GLDC: variants seen among roughly 807,000 people sequenced by gnomAD.
GLDC encodes the protein glycine dehydrogenase (decarboxylating), mitochondrial.
GLDC carries 104 observed loss-of-function variants against 121.3 expected under a neutral mutation model. The observed-to-expected ratio is 0.86, with a 90% CI of 0.73 to 1.01. The LOEUF (loss-of-function observed/expected upper bound fraction) is 1.01, where lower values mean the gene tolerates loss of function less well. GLDC is among the 50% of genes least tolerant of loss of function. The pLI is 0.00. For missense variants in GLDC, 1,429 were observed against 1,306.6 expected, an observed-to-expected ratio of 1.09 and a Z score of -1.44; for synonymous variants, 546 against 480.6, an observed-to-expected ratio of 1.14 and a Z score of -1.78.
At chr9:6,565,332 C>CGTGG (rs1817834072) in intron 16 of GLDC, 22 bp downstream of exon 16, 2 of 1,575,498 alleles carry the variant, frequency 1.3e-6, no homozygotes, top group Non-Finnish European at 8.7e-7. Flanking sequence ...GGTGAGCAAG[C>CGTGG]GCCACCTCCT....
In GLDC at chr9:6,592,879, A is replaced by C; in HGVS notation, c.1373T>G (p.Ile458Ser). ...GCCATCCTCAAAAAGCCGAAAATTG[A>C]TCTGCCGCTGAGCGGCCCTGCCCAA... is the stretch of plus-strand genomic sequence containing the variant. ...EVLGRAAQRQINFRLFEDGTL... is the reference protein window; with the variant it reads ...EVLGRAAQRQSNFRLFEDGTL... The change falls in exon 10 of 25, where the codon ATC becomes AGC. Residue 458 changes from isoleucine (I) to serine (S), a missense_variant. Ile to Ser is a moderately radical substitution (Grantham distance 142). Coordinates refer to ENST00000321612, the MANE Select transcript of GLDC (RefSeq NM_000170.3). The C allele has an allele frequency of 6.2e-7, 1 of 1,613,880 alleles. No individual in the cohort carries two copies.
Position 6,532,742 on chromosome 9 carries a change from A to G in GLDC, c.*275T>C, listed in dbSNP as rs1291153911. The G allele has an allele frequency of 6.9e-6, 3 of 435,490 alleles. No individual in the cohort carries two copies. Among genetic ancestry groups the G allele is most frequent in the Non-Finnish European group, 1.3e-5 (3 of 234,996 alleles). The allele number at this position is 435,490 out of a possible 1,614,324, so 27.0% of individuals were successfully genotyped here. Reference sequence around the variant, plus strand: ...GCAAACTTGCCACATTAAAAGTTAAAGTTCCTAAAACTTTCTACGCAAAAC... The same window carrying G: ...GCAAACTTGCCACATTAAAAGTTAAGGTTCCTAAAACTTTCTACGCAAAAC... On this transcript the variant is annotated 3_prime_UTR_variant, in exon 25 of 25. Transcript: ENST00000321612.
intron 3 of GLDC, among the ~76,000 whole-genome samples, chr9:6,616,064 G>A (rs1818962151): frequency 6.6e-6 from 1 of 152,208 alleles, no homozygotes; most frequent in African/African-American, 2.4e-5. Context: ...CTCCCAAGGA[G>A]CTGGGACCAC....
chr9:6,613,579 G>A (rs765365115), intron 3 of GLDC, among the ~76,000 whole-genome samples: 4 of 151,900 alleles, frequency 2.6e-5, no homozygotes, highest in Non-Finnish European at 5.9e-5. Context: ...CTGCTCTATG[G>A]TATTAAATAA....
At chr9:6,629,958 T>TAATATATATATGTATATATATATATATA in intron 2 of GLDC, among the ~76,000 whole-genome samples, 1 of 78,680 alleles carries the variant, frequency 1.3e-5, no homozygotes, top group African/African-American at 6.1e-5. Flanking sequence ...TATATATATA[T>TAATATATATATGTATATATATATATATA]TTTTTTTTTT....
At chr9:6,582,659 C>A (rs979849242) in intron 15 of GLDC, among the ~76,000 whole-genome samples, 12 of 151,850 alleles carry the variant, frequency 7.9e-5, no homozygotes, top group African/African-American at 2.9e-4. Context: ...GAAACCCTGT[C>A]TCTACTAAAA....
intron 3 of GLDC, 59 bp from the exon 4 acceptor site, chr9:6,610,415 AT>A (rs1818828296): frequency 1.3e-6 from 2 of 1,548,758 alleles, no homozygotes; most frequent in African/African-American, 2.7e-5. Context: ...AGCACACAAA[AT>A]GCTATCATTT....
chr9:6,586,853 T>G (rs1451320414), intron 15 of GLDC, among the ~76,000 whole-genome samples: 1 of 152,156 alleles, frequency 6.6e-6, no homozygotes, highest in Non-Finnish European at 1.5e-5. Flanking sequence ...ACCCCGACAT[T>G]GTGCTGTAAG....
chr9:6,554,712 T>G lies in GLDC; in HGVS notation c.2272A>C (p.Ile758Leu), dbSNP rs747219893. ...SHLNLHKTFC[I>L]PHGGGGPGMG... ...CCAGGACCACCTCCTCCGTGGGGAA[T>G]GCAGAAGGTCTTGTGAAGATTTAGG... Residue 758 changes from isoleucine (I) to leucine (L), a missense_variant, in exon 19 of 25, where the codon ATT becomes CTT. Ile to Leu is a conservative substitution (Grantham distance 5). Transcript: ENST00000321612. The G allele has an allele frequency of 1.2e-6, 2 of 1,612,798 alleles. No homozygotes were observed. Among genetic ancestry groups the G allele is most frequent in the Non-Finnish European group, 1.7e-6 (2 of 1,179,928 alleles).
chr9:6,540,295 A>G, intron 21 of GLDC, 149 bp from the exon 22 acceptor site: 1 of 676,236 alleles, frequency 1.5e-6, no homozygotes, highest in Admixed American at 2.3e-5. Flanking sequence ...TAAGTTTATT[A>G]TTGGCAATAA....
chr9:6,634,554 A>G (rs1819460473), intron 2 of GLDC, among the ~76,000 whole-genome samples: 1 of 95,988 alleles, frequency 1.0e-5, no homozygotes, highest in South Asian at 3.6e-4. Context: ...CAAACAAACA[A>G]AAAACAAAAA....
At chr9:6,620,094 G>A (rs1162811543) in intron 3 of GLDC, 90 bp downstream of exon 3, 3 of 1,288,360 alleles carry the variant, frequency 2.3e-6, no homozygotes, top group African/African-American at 1.4e-5. Flanking sequence ...TGTCAGTGTG[G>A]AGGCTCTGAG....
In GLDC at chr9:6,558,675, T is replaced by C; in HGVS notation, c.1936A>G (p.Ile646Val). 1 of 1,614,192 alleles carries C rather than the reference T, an allele frequency of 6.2e-7. No individual in the cohort carries two copies. The highest frequency in any genetic ancestry group is 1.1e-5 in the South Asian group (1 of 91,088). The change falls in exon 17 of 25, where the codon ATT (isoleucine) becomes GTT (valine). Residue 646 changes from isoleucine (I) to valine (V), a missense_variant. Transcript: ENST00000321612. The stretch of plus-strand genomic sequence containing the variant: ...TTGGTCCCATGTGCTGATTTCGGAA[T>C]GAGGCAAACCTACAGAATAGAAAGG... ...KGEGHRTVCL[I>V]PKSAHGTNPA...
chr9:6,633,798 T>C (rs1043348517), intron 2 of GLDC, among the ~76,000 whole-genome samples: 4 of 146,576 alleles, frequency 2.7e-5, no homozygotes, highest in Non-Finnish European at 5.9e-5. Flanking sequence ...TCCCAGCTAC[T>C]TGGGAGGCTG....
At chr9:6,545,145 C>T (rs1233470305) in intron 21 of GLDC, among the ~76,000 whole-genome samples, 1 of 151,960 alleles carries the variant, frequency 6.6e-6, no homozygotes, top group Non-Finnish European at 1.5e-5. Context: ...GAGGTAATTC[C>T]TTTCTTTCCT....
chr9:6,591,876 C>A (rs1399934138), intron 11 of GLDC: 4 of 318,952 alleles, frequency 1.3e-5, no homozygotes, highest in Non-Finnish European at 2.4e-5. Context: ...CAGGCATGAG[C>A]CACCATCCCC....
chr9:6,596,501 G>T (rs1818496744), intron 8 of GLDC, among the ~76,000 whole-genome samples: 1 of 152,184 alleles, frequency 6.6e-6, no homozygotes, highest in South Asian at 2.1e-4. Context: ...AAGACTTTGG[G>T]AGGCTAAGGT....
chr9:6,569,196 G>C (rs564260690), intron 15 of GLDC: 1 of 152,244 alleles, frequency 6.6e-6, no homozygotes, highest in African/African-American at 2.4e-5. Context: ...AGAATTTGTA[G>C]ATGACATGGC....
chr9:6,588,567 A>G (rs1197784077), intron 13 of GLDC, 51 bp downstream of exon 13: 3 of 1,480,808 alleles, frequency 2.0e-6, no homozygotes, highest in Non-Finnish European at 9.4e-7. Context: ...GGACCAAGAG[A>G]CGTGGGATTG....
Sources: gnomAD v4.1 joint callset for allele counts (sites outside exome capture counted in the v4.1 genomes callset) on GRCh38, gnomAD v4.1.1 for gene constraint, MANE v1.5 for transcripts, NCBI Gene and HGNC (gene_info 2026-07-23, HGNC 2026-07-21) for gene names.